NFKB1: variants seen among roughly 807,000 people sequenced by gnomAD.
NFKB1 encodes nuclear factor kappa B subunit 1, also known as nuclear factor NF-kappa-B p105 subunit.
In NFKB1, 9 loss-of-function variants were observed where a neutral mutation model predicts 105.1. The observed-to-expected ratio is 0.09, with a 90% CI of 0.05 to 0.15. NFKB1 has a LOEUF of 0.15. NFKB1 is among the 10% of genes least tolerant of loss of function. The pLI, the probability that NFKB1 is intolerant of heterozygous loss-of-function variation, is 1.00. For missense variants in NFKB1, 830 were observed against 1,203.7 expected (o/e 0.69, Z 4.59); for synonymous variants, 440 against 442.2 (o/e 1.00, Z 0.06).
At chr4:102,610,735 G>GA (rs1728328720) in intron 20 of NFKB1, 36 bp downstream of exon 20, 3 of 1,608,576 alleles carry the variant, frequency 1.9e-6, no homozygotes, top group Admixed American at 1.7e-5. Context: ...GGCTGCCCCT[G>GA]AGGGAGTCAG....
chr4:102,612,448 C>T lies in NFKB1; in HGVS notation c.2434C>T (p.Leu812=). 6.2e-7 allele frequency: 1 copy of T among 1,612,910 alleles called. No individual in the cohort carries two copies. Among genetic ancestry groups the T allele is most frequent in the Non-Finnish European group, 8.5e-7 (1 of 1,179,954 alleles). ...ATTTCCTTCAGGAGACATGAAACAG[C>T]TGGCTGAAGATGTGAAGCTGCAGCT... ...DLLAQGDMKQ[L]AEDVKLQLYK... Residue 812 remains leucine (L), a synonymous_variant, in exon 22 of 24, where the codon CTG becomes TTG. Transcript: ENST00000226574.
At chr4:102,610,942 G>A (rs758848349) in intron 20 of NFKB1, among the ~76,000 whole-genome samples, 8 of 152,196 alleles carry the variant, frequency 5.3e-5, no homozygotes, top group South Asian at 2.1e-4. Context: ...GTGAGAAAAG[G>A]TTAGAAGAAA....
Position 102,600,998 on chromosome 4 carries a change from G to T in NFKB1, c.1741G>T (p.Asp581Tyr), listed in dbSNP as rs1212406721. The change falls in exon 16 of 24, where the codon GAT (aspartate) becomes TAT (tyrosine). Residue 581 changes from aspartate to tyrosine, a missense_variant. This residue lies in a region of NFKB1 where 418 missense variants were observed against 575.3 expected (regional missense o/e 0.73). Transcript: ENST00000226574. ...ISDDIINMRN[D>Y]LYQTPLHLAV... Reference sequence around the variant, plus strand: ...TGATGACATTATCAACATGAGAAATGATCTGTACCAGGTAAGCAGAAATCT... The same window carrying T: ...TGATGACATTATCAACATGAGAAATTATCTGTACCAGGTAAGCAGAAATCT... 1.9e-6 allele frequency: 3 copies of T among 1,584,814 alleles called. No homozygotes were observed. Among genetic ancestry groups the T allele is most frequent in the Admixed American group, 1.7e-5 (1 of 59,704 alleles).
chr4:102,525,629 T>C (rs772272423), intron 2 of NFKB1, 72 bp downstream of exon 2: 152 of 1,341,976 alleles, frequency 1.1e-4, no homozygotes, highest in Non-Finnish European at 1.5e-4. Flanking sequence ...AAGGCAACAT[T>C]AGTAAGTTAG....
chr4:102,509,834 G>T (rs1396385869), intron 1 of NFKB1, among the ~76,000 whole-genome samples: 3 of 152,102 alleles, frequency 2.0e-5, no homozygotes. Flanking sequence ...TTTTATTTTT[G>T]CATTGTCTCC....
rs939459600 is a variant in NFKB1 at position 102,596,239 on chromosome 4, C to G, written c.1402C>G (p.Gln468Glu). Residue 468 changes from glutamine (Q) to glutamate (E), a missense_variant, in exon 14 of 24, where the codon CAA (glutamine) becomes GAA (glutamate). Transcript: ENST00000226574. ...LFGKVIETTE[Q>E]DQEPSEATVG... Reference sequence around the variant, plus strand: ...TGGGAAAGTTATTGAAACCACAGAGCAAGATCAGGAGCCCAGCGAGGCCAC... The same window carrying G: ...TGGGAAAGTTATTGAAACCACAGAGGAAGATCAGGAGCCCAGCGAGGCCAC... 5 of 1,613,458 alleles carry G rather than the reference C, an allele frequency of 3.1e-6. No homozygotes were observed. Among genetic ancestry groups the G allele is most frequent in the Non-Finnish European group, 3.4e-6 (4 of 1,179,518 alleles).
intron 11 of NFKB1, among the ~76,000 whole-genome samples, chr4:102,587,312 T>A (rs1023604961): frequency 1.3e-5 from 2 of 152,320 alleles, no homozygotes; most frequent in African/African-American, 4.8e-5. Flanking sequence ...ATAATTTTTT[T>A]AGACTTTCTG....
In NFKB1 at chr4:102,577,836, A is replaced by G. The variant is rs902291349; in HGVS notation, c.571+797A>G. Reference sequence around the variant, plus strand: ...CACTACATTCCATTTTCATTGTTCCACTTATAGTAGTCTTCTCCCTGGTCT... The same window carrying G: ...CACTACATTCCATTTTCATTGTTCCGCTTATAGTAGTCTTCTCCCTGGTCT... On this transcript the variant is annotated intron_variant, in intron 7 of 23. Coordinates refer to ENST00000226574, the MANE Select transcript of NFKB1 (RefSeq NM_003998.4). 4.1e-6 allele frequency: 4 copies of G among 985,212 alleles called. No homozygotes were observed. The African/African-American group carries it at 5.3e-5, about 13-fold the overall frequency. The allele number at this position is 985,212 out of a possible 1,614,324, so 61.0% of individuals were successfully genotyped here.
At chr4:102,573,377 T>C (rs781538218) in intron 6 of NFKB1, among the ~76,000 whole-genome samples, 1 of 152,252 alleles carries the variant, frequency 6.6e-6, no homozygotes, top group Non-Finnish European at 1.5e-5. Flanking sequence ...TCCACTGTCT[T>C]CTGATTTGCC....
chr4:102,516,842 A>G (rs921972074), intron 1 of NFKB1, among the ~76,000 whole-genome samples: 8 of 152,092 alleles, frequency 5.3e-5, no homozygotes, highest in Non-Finnish European at 8.8e-5. Context: ...CTGGTGGATC[A>G]CCTAGTTTTA....
At chr4:102,506,280 A>G (rs555563377) in intron 1 of NFKB1, among the ~76,000 whole-genome samples, 5 of 152,228 alleles carry the variant, frequency 3.3e-5, no homozygotes, top group Non-Finnish European at 5.9e-5. Flanking sequence ...AAAAGAAACA[A>G]TGCTACAAGC....
chr4:102,615,224 C>T lies in NFKB1; in HGVS notation c.2750-1210C>T, dbSNP rs575096108. On this transcript the variant is annotated intron_variant, in intron 23 of 23. Coordinates refer to ENST00000226574, the MANE Select transcript of NFKB1 (RefSeq NM_003998.4). ...CATACACTGTGTGCCTAGCAGTGTT[C>T]GAGGTTTTAAAGATAAAACTGTGTC... 3.3e-5 allele frequency among the ~76,000 whole-genome samples: 5 copies of T among 152,220 alleles called. No individual in the cohort carries two copies. The South Asian group carries it at 8.3e-4, about 25-fold the overall frequency.
At chr4:102,584,976 G>A (rs1049512068) in intron 11 of NFKB1, among the ~76,000 whole-genome samples, 156 bp downstream of exon 11, 1 of 152,066 alleles carries the variant, frequency 6.6e-6, no homozygotes, top group Admixed American at 6.6e-5. Context: ...CGAACTCCTG[G>A]CCTCAAACAG....
At chr4:102,569,453 G>GATT (rs1724140081) in intron 6 of NFKB1, among the ~76,000 whole-genome samples, 1 of 152,108 alleles carries the variant, frequency 6.6e-6, no homozygotes, top group South Asian at 2.1e-4. Flanking sequence ...GTATGACATT[G>GATT]ATTATTAGTA....
At chr4:102,541,949 T>C (rs1742024069) in intron 5 of NFKB1, among the ~76,000 whole-genome samples, 1 of 152,128 alleles carries the variant, frequency 6.6e-6, no homozygotes, top group Admixed American at 6.6e-5. Context: ...GTTCAGTGCA[T>C]ACTCGGTCAT....
chr4:102,533,291 C>T (rs556016666), intron 3 of NFKB1, among the ~76,000 whole-genome samples: 14 of 152,126 alleles, frequency 9.2e-5, no homozygotes, highest in Non-Finnish European at 1.6e-4. Context: ...CAAGTAAAGA[C>T]GGGAACAGAA....
chr4:102,538,205 C>A (rs573670840), intron 5 of NFKB1, among the ~76,000 whole-genome samples: 249 of 152,240 alleles, frequency 1.6e-3, no homozygotes, highest in African/African-American at 5.8e-3. Flanking sequence ...ATTTCTTGAT[C>A]ATCTTAAATA....
chr4:102,586,757 G>A lies in NFKB1; in HGVS notation c.1066+1937G>A, dbSNP rs1255753909. ...CTCAGTTGGAGGGAAGTGAGACTGG[G>A]AAGGGAGGTCAGTAAAATGATTGCC... is the stretch of plus-strand genomic sequence containing the variant. On this transcript the variant is annotated intron_variant, in intron 11 of 23. Coordinates refer to ENST00000226574, the MANE Select transcript of NFKB1 (RefSeq NM_003998.4). Among the ~76,000 whole-genome samples, 5 of 152,304 alleles carry A rather than the reference G, an allele frequency of 3.3e-5. No homozygotes were observed. In the East Asian group the frequency reaches 9.7e-4, roughly 29 times the overall value.
chr4:102,502,521 T>G (rs542399946), intron 1 of NFKB1, among the ~76,000 whole-genome samples: 1 of 152,256 alleles, frequency 6.6e-6, no homozygotes, highest in Admixed American at 6.5e-5. Flanking sequence ...CTTAGAGCAC[T>G]TTTTAGACTT....
Sources: allele counts gnomAD v4.1 joint callset (sites outside exome capture counted in the v4.1 genomes callset), GRCh38; gene constraint gnomAD v4.1.1; regional missense constraint gnomAD v4.1.1; transcripts MANE v1.5; gene names NCBI Gene and HGNC (gene_info 2026-07-23, HGNC 2026-07-21).